Variants in GRHL2 observed in about 807,000 individuals in gnomAD.
GRHL2 encodes grainyhead-like protein 2 homolog.
GRHL2 carries 21 observed loss-of-function variants against 83.8 expected under a neutral mutation model. That is an observed-to-expected ratio of 0.25 (90% CI 0.18 to 0.36). GRHL2 has a LOEUF of 0.36. Ranked by LOEUF, GRHL2 falls within the 10% of genes least tolerant of loss-of-function variation. The pLI is 1.00. For synonymous variants in GRHL2, 280 were observed against 278.9 expected (o/e 1.00, Z -0.04); for missense variants, 623 against 781.8 (o/e 0.80, Z 2.42).
chr8:101,551,905 G>A (rs140626157), intron 2 of GRHL2, among the ~76,000 whole-genome samples: 3 of 150,190 alleles, frequency 2.0e-5, no homozygotes, highest in Admixed American at 1.3e-4. Flanking sequence ...GCGCGATCTC[G>A]GCTCACTGCA....
At chr8:101,650,621 C>T (rs554730762) in intron 14 of GRHL2, among the ~76,000 whole-genome samples, 71 of 151,550 alleles carry the variant, frequency 4.7e-4, no homozygotes, top group Middle Eastern at 3.4e-3. Flanking sequence ...TCCATAGAGA[C>T]GAAAGGCAAG....
intron 4 of GRHL2, among the ~76,000 whole-genome samples, chr8:101,569,499 C>G (rs1751746832): frequency 6.6e-6 from 1 of 152,188 alleles, no homozygotes; most frequent in Non-Finnish European, 1.5e-5. Flanking sequence ...AATAGGCACT[C>G]CAGCCTGTCG....
intron 12 of GRHL2, among the ~76,000 whole-genome samples, chr8:101,640,256 T>C (rs1813373791): frequency 2.0e-5 from 3 of 152,250 alleles, no homozygotes; most frequent in Admixed American, 2.0e-4. Flanking sequence ...AATAGCCACC[T>C]GCTAGCGTTA....
At chr8:101,535,997 T>C (rs908959667) in intron 1 of GRHL2, among the ~76,000 whole-genome samples, 1 of 152,066 alleles carries the variant, frequency 6.6e-6, no homozygotes, top group African/African-American at 2.4e-5. Context: ...TTCTGGAGGA[T>C]GGGATGTTGC....
intron 1 of GRHL2, among the ~76,000 whole-genome samples, chr8:101,541,111 C>T (rs1247694408): frequency 6.6e-6 from 1 of 150,778 alleles, no homozygotes; most frequent in Non-Finnish European, 1.5e-5. Context: ...AAAAGACCTC[C>T]TTTCATTCTT....
At chr8:101,664,199 C>T (rs1813990946) in intron 14 of GRHL2, among the ~76,000 whole-genome samples, 2 of 152,092 alleles carry the variant, frequency 1.3e-5, no homozygotes, top group South Asian at 4.1e-4. Flanking sequence ...AGTTACAGTC[C>T]ATCTTTTTCT....
At chr8:101,657,567 G>T (rs1354313184) in intron 14 of GRHL2, among the ~76,000 whole-genome samples, 1 of 152,176 alleles carries the variant, frequency 6.6e-6, no homozygotes, top group Non-Finnish European at 1.5e-5. Flanking sequence ...AAGGCCGGGC[G>T]TAGTGGCTCA....
intron 1 of GRHL2, among the ~76,000 whole-genome samples, chr8:101,536,434 G>A (rs1319999553): frequency 1.3e-5 from 2 of 152,312 alleles, no homozygotes; most frequent in Non-Finnish European, 2.9e-5. Flanking sequence ...CATGTATGCA[G>A]CTTTTATAGT....
intron 1 of GRHL2, among the ~76,000 whole-genome samples, chr8:101,522,743 A>G (rs887463902): frequency 2.9e-4 from 40 of 137,968 alleles, no homozygotes; most frequent in African/African-American, 9.7e-4. Context: ...ATATACATAT[A>G]TATATATACA....
chr8:101,650,198 G>A (rs984119596), intron 14 of GRHL2, among the ~76,000 whole-genome samples: 28 of 152,160 alleles, frequency 1.8e-4, no homozygotes, highest in African/African-American at 6.5e-4. Context: ...TTGTTGGTTG[G>A]TTTGGAAAAC....
chr8:101,639,549 C>T (rs971249765), intron 12 of GRHL2, among the ~76,000 whole-genome samples: 2 of 152,214 alleles, frequency 1.3e-5, no homozygotes, highest in South Asian at 2.1e-4. Context: ...ACTGCATTTC[C>T]CATCACTGGC....
intron 8 of GRHL2, among the ~76,000 whole-genome samples, chr8:101,614,862 C>T (rs566675925): frequency 2.0e-5 from 3 of 152,266 alleles, no homozygotes; most frequent in East Asian, 1.9e-4. Flanking sequence ...TGCAGCACAG[C>T]GAGACTATGA....
chr8:101,647,436 G>C (rs1238463136), intron 13 of GRHL2, among the ~76,000 whole-genome samples: 1 of 152,184 alleles, frequency 6.6e-6, no homozygotes, highest in African/African-American at 2.4e-5. Context: ...GCTGCAGAGA[G>C]AATTGTAGAC....
intron 3 of GRHL2, among the ~76,000 whole-genome samples, chr8:101,553,097 G>A (rs1811418388): frequency 6.6e-6 from 1 of 152,170 alleles, no homozygotes; most frequent in East Asian, 1.9e-4. Context: ...TCAATCCTAT[G>A]GCATTATAAC....
intron 7 of GRHL2, among the ~76,000 whole-genome samples, chr8:101,589,839 C>T (rs1473691702): frequency 6.6e-6 from 1 of 151,966 alleles, no homozygotes; most frequent in East Asian, 1.9e-4. Context: ...TTGTTATTGT[C>T]CTGGATTATG....
At chr8:101,617,787 G>A (rs1299172391) in intron 8 of GRHL2, among the ~76,000 whole-genome samples, 1 of 152,162 alleles carries the variant, frequency 6.6e-6, no homozygotes. Flanking sequence ...TTACAGGCAT[G>A]AGCCACCACG....
At chr8:101,509,157 C>CCTTCCTTCCTTCCTTCCTTTCTTT (rs1554581567) in intron 1 of GRHL2, among the ~76,000 whole-genome samples, 4 of 27,402 alleles carry the variant, frequency 1.5e-4, no homozygotes, top group Non-Finnish European at 2.2e-4. Flanking sequence ...TTCCTTCCTT[C>CCTTCCTTCCTTCCTTCCTTTCTTT]CTTTCTTTCT....
rs147409872 is a variant in GRHL2 at position 101,621,339 on chromosome 8, A to T, written c.1257+1642A>T. ...TAAGGAAATAATGGAAGTTATGAAG[A>T]TCAATGTAAATCACAATTTGAAAAA... On this transcript the variant is annotated intron_variant, in intron 9 of 15. Transcript: ENST00000646743. Among the ~76,000 whole-genome samples, 1,114 of 152,354 alleles carry T rather than the reference A, an allele frequency of 7.3e-3. 10 individuals carry two copies. The highest frequency in any genetic ancestry group is 0.014 in the South Asian group (66 of 4,826).
chr8:101,531,922 G>A lies in GRHL2; in HGVS notation c.21-11319G>A, dbSNP rs112461490. ...CTTAATTTCAATGGACATAAATTTT[G>A]TTTTACAGTTTATTGTTTTTAAAAA... is the stretch of plus-strand genomic sequence containing the variant. On this transcript the variant is annotated intron_variant, in intron 1 of 15. Transcript: ENST00000646743. Among the ~76,000 whole-genome samples, 954 of 152,216 alleles carry A rather than the reference G, an allele frequency of 6.3e-3. 5 individuals are homozygous for A. The highest frequency in any genetic ancestry group is 0.022 in the African/African-American group (909 of 41,536).
Sources: allele counts gnomAD v4.1 joint callset (sites outside exome capture counted in the v4.1 genomes callset), GRCh38; gene constraint gnomAD v4.1.1; transcripts MANE v1.5; gene names NCBI Gene and HGNC (gene_info 2026-07-23, HGNC 2026-07-21).